EYA1: variants seen among roughly 807,000 people sequenced by gnomAD.
EYA1 encodes the protein protein phosphatase EYA1.
A neutral mutation model predicts 82.0 loss-of-function variants in EYA1; 16 were observed. That is an observed-to-expected ratio of 0.20 (90% CI 0.13 to 0.30). The LOEUF (loss-of-function observed/expected upper bound fraction) is 0.30. EYA1 is among the 10% of genes least tolerant of loss of function. EYA1 has a pLI of 1.00. For missense variants in EYA1, 633 were observed against 730.7 expected, an observed-to-expected ratio of 0.87 and a Z score of 1.54; for synonymous variants, 261 against 264.4, an observed-to-expected ratio of 0.99 and a Z score of 0.12.
At chr8:71,392,441 C>T (rs1829333139) in intron 2 of EYA1, among the ~76,000 whole-genome samples, 1 of 152,118 alleles carries the variant, frequency 6.6e-6, no homozygotes. Context: ...ATATAAGTTG[C>T]TTCATCAAGT....
chr8:71,383,213 G>A (rs938856221), intron 2 of EYA1, among the ~76,000 whole-genome samples: 2 of 151,844 alleles, frequency 1.3e-5, no homozygotes, highest in African/African-American at 2.4e-5. Flanking sequence ...AATTCCAAAT[G>A]TTGGCAAAGT....
In EYA1 at chr8:71,199,065, A is replaced by G. The variant is rs1806598561; in HGVS notation, c.*275T>C. 1 of 503,836 alleles carries G rather than the reference A, an allele frequency of 2.0e-6. No individual in the cohort carries two copies. Among genetic ancestry groups the G allele is most frequent in the South Asian group, 2.0e-5 (1 of 49,568 alleles). 31.2% of individuals were successfully genotyped at this position (503,836 alleles called of 1,614,324 possible). The stretch of plus-strand genomic sequence containing the variant: ...GCAGGTCCTTTCTTCACAGGTTTGA[A>G]CCGTGTAGTTAATGTGGCAGACACA... On this transcript the variant is annotated 3_prime_UTR_variant, in exon 18 of 18. Transcript: ENST00000340726.
intron 2 of EYA1, among the ~76,000 whole-genome samples, chr8:71,488,130 C>T (rs947633572): frequency 6.6e-6 from 1 of 151,894 alleles, no homozygotes; most frequent in African/African-American, 2.4e-5. Context: ...TGATAGAATA[C>T]TGCATAGCAA....
chr8:71,473,360 A>G (rs1315466672), intron 2 of EYA1, among the ~76,000 whole-genome samples: 1 of 151,830 alleles, frequency 6.6e-6, no homozygotes, highest in African/African-American at 2.4e-5. Flanking sequence ...TTACAAAAAA[A>G]AAAAAAAACC....
chr8:71,329,279 G>A lies in EYA1; in HGVS notation c.202+4818C>T, dbSNP rs1057283670. ...AGCCCCTACCTTCTTCTTTCTACCC[G>A]TCTTGAATACATGAAAAATTATTTT... is the stretch of plus-strand genomic sequence containing the variant. On this transcript the variant is annotated intron_variant, in intron 4 of 17. Transcript: ENST00000340726. Among the ~76,000 whole-genome samples, 18 of 151,948 alleles carry A rather than the reference G, an allele frequency of 1.2e-4. No homozygotes were observed. The South Asian group carries it at 1.7e-3, about 14-fold the overall frequency.
intron 2 of EYA1, among the ~76,000 whole-genome samples, chr8:71,452,277 T>C (rs1807453274): frequency 6.6e-6 from 1 of 152,106 alleles, no homozygotes; most frequent in Non-Finnish European, 1.5e-5. Flanking sequence ...CCAAGAAGCT[T>C]GAACTGGGTG....
intron 2 of EYA1, among the ~76,000 whole-genome samples, chr8:71,454,508 C>T (rs775887053): frequency 2.0e-5 from 3 of 152,144 alleles, no homozygotes; most frequent in Admixed American, 6.6e-5. Flanking sequence ...AAATTGACCA[C>T]GAAGTTGGAA....
chr8:71,322,432 C>A, intron 4 of EYA1, 164 bp from the exon 5 acceptor site: 1 of 663,996 alleles, frequency 1.5e-6, no homozygotes. Context: ...TTCCACCTAA[C>A]AGAAAGTTAA....
chr8:71,422,418 T>C (rs991262082), intron 2 of EYA1, among the ~76,000 whole-genome samples: 1 of 152,230 alleles, frequency 6.6e-6, no homozygotes, highest in African/African-American at 2.4e-5. Context: ...TACTTGCTTC[T>C]GTTGTTTCTC....
In EYA1 at chr8:71,417,826, A is replaced by T. The variant is rs570618219; in HGVS notation, c.34-61315T>A. 1.2e-4 allele frequency among the ~76,000 whole-genome samples: 18 copies of T among 152,340 alleles called. No individual in the cohort carries two copies. The South Asian group carries it at 3.3e-3, about 28-fold the overall frequency. ...GTCCAAAATATAACTCTATCTTGAT[A>T]TCTAGAGATAACTCAAATTCCACTC... On this transcript the variant is annotated intron_variant, in intron 2 of 18. Transcript: ENST00000643681.
intron 2 of EYA1, chr8:71,448,976 T>C (rs1368246848): frequency 1.2e-5 from 2 of 166,476 alleles, no homozygotes; most frequent in South Asian, 1.9e-4. Flanking sequence ...TCATGAAGCA[T>C]AATAAAAAAA....
intron 2 of EYA1, among the ~76,000 whole-genome samples, chr8:71,519,392 C>T (rs2129267723): frequency 6.6e-6 from 1 of 151,918 alleles, no homozygotes; most frequent in African/African-American, 2.4e-5. Flanking sequence ...TTTTAGATGG[C>T]AATAAATCAA....
intron 9 of EYA1, among the ~76,000 whole-genome samples, chr8:71,276,547 C>T (rs954784618): frequency 6.6e-6 from 1 of 152,190 alleles, no homozygotes; most frequent in Non-Finnish European, 1.5e-5. Context: ...TCCAGAAACT[C>T]CTTAGTGTCT....
chr8:71,448,004 A>T (rs1807025198), intron 2 of EYA1, among the ~76,000 whole-genome samples: 1 of 94,662 alleles, frequency 1.1e-5, no homozygotes, highest in South Asian at 3.3e-4. Flanking sequence ...AAAGCTGTTT[A>T]AGAGCTTTTT....
chr8:71,345,603 G>C (rs1345421995), intron 3 of EYA1, among the ~76,000 whole-genome samples: 3 of 152,088 alleles, frequency 2.0e-5, no homozygotes. Flanking sequence ...CTACAAAACT[G>C]CTCTCACAAG....
intron 11 of EYA1, among the ~76,000 whole-genome samples, chr8:71,259,808 T>G (rs1168807833): frequency 6.6e-6 from 1 of 152,214 alleles, no homozygotes. Context: ...AAAATATCTC[T>G]TCTCCTTTCT....
intron 2 of EYA1, among the ~76,000 whole-genome samples, chr8:71,369,032 C>CAA (rs60647486): frequency 0.037 from 4,161 of 112,522 alleles, 109 homozygotes; most frequent in African/African-American, 0.044. Context: ...ACTAAAAATA[C>CAA]AAAAAAAAAA....
chr8:71,469,907 A>C (rs34888580), intron 2 of EYA1, among the ~76,000 whole-genome samples: 23,900 of 151,938 alleles, frequency 0.16, 2,083 homozygotes, highest in Non-Finnish European at 0.2. Context: ...GAGATATCCT[A>C]ATGGCAAAAC....
At chr8:71,238,253 G>A (rs971474291) in intron 12 of EYA1, among the ~76,000 whole-genome samples, 4 of 152,130 alleles carry the variant, frequency 2.6e-5, no homozygotes, top group African/African-American at 9.7e-5. Flanking sequence ...TGCCTGAGCA[G>A]TTTGTTTCTT....
Sources: allele counts gnomAD v4.1 joint callset (sites outside exome capture counted in the v4.1 genomes callset), GRCh38; gene constraint gnomAD v4.1.1; transcripts MANE v1.5; gene names NCBI Gene and HGNC (gene_info 2026-07-23, HGNC 2026-07-21).